The following CA10 variants were observed in gnomAD, a reference collection of about 807,000 sequenced individuals.
CA10 encodes the protein carbonic anhydrase 10 (inactive).
CA10 carries 14 observed loss-of-function variants against 44.2 expected under a neutral mutation model. That is an observed-to-expected ratio of 0.32 (90% CI 0.21 to 0.50). The LOEUF is 0.50. CA10 is among the 20% of genes least tolerant of loss of function. The probability of loss-of-function intolerance (pLI) is 0.99; values close to 1 mark genes in which losing one functional copy is unlikely to be tolerated. For synonymous variants in CA10, 159 were observed against 141.6 expected, an observed-to-expected ratio of 1.12 and a Z score of -0.87; for missense variants, 350 against 409.7, an observed-to-expected ratio of 0.85 and a Z score of 1.26.
In CA10 at chr17:51,905,796, T is replaced by G. The variant is rs111912540; in HGVS notation, c.279+25194A>C. Among the ~76,000 whole-genome samples the G allele has an allele frequency of 5.3e-3, 803 of 152,184 alleles. 10 individuals carry two copies. The highest frequency in any genetic ancestry group is 0.019 in the African/African-American group (774 of 41,544). The stretch of plus-strand genomic sequence containing the variant: ...GGGCTAGCTATTTTATTATCTGCCT[T>G]CCCCATCACCCAAATTTCCAATTCC... On this transcript the variant is annotated intron_variant, in intron 3 of 8. Coordinates refer to ENST00000451037, the MANE Select transcript of CA10 (RefSeq NM_020178.5).
At chr17:51,983,606 TTTTA>T (rs142547516) in intron 2 of CA10, among the ~76,000 whole-genome samples, 49,985 of 151,242 alleles carry the variant, frequency 0.33, 10,199 homozygotes, top group East Asian at 0.74. Context: ...GTATTTCACC[TTTTA>T]TTTGTTTACT....
intron 1 of CA10, among the ~76,000 whole-genome samples, chr17:52,103,163 TA>T (rs1283263431): frequency 6.6e-6 from 1 of 152,210 alleles, no homozygotes; most frequent in African/African-American, 2.4e-5. Flanking sequence ...CTGTGTTTTG[TA>T]AAACCATCTT....
intron 3 of CA10, among the ~76,000 whole-genome samples, chr17:51,749,071 G>A (rs1904804420): frequency 6.6e-6 from 1 of 152,172 alleles, no homozygotes; most frequent in African/African-American, 2.4e-5. Flanking sequence ...CCTTTCCCTG[G>A]TACATCGACC....
chr17:51,901,265 G>C (rs922046921), intron 3 of CA10, among the ~76,000 whole-genome samples: 5 of 152,018 alleles, frequency 3.3e-5, no homozygotes, highest in Non-Finnish European at 5.9e-5. Context: ...CTTCATTTCT[G>C]GAATATTTTA....
chr17:51,927,620 C>T (rs553090271), intron 3 of CA10, among the ~76,000 whole-genome samples: 1 of 152,236 alleles, frequency 6.6e-6, no homozygotes, highest in Admixed American at 6.5e-5. Context: ...TGTGACTATA[C>T]ACTAAAATTA....
At chr17:51,841,749 A>T (rs911802537) in intron 3 of CA10, among the ~76,000 whole-genome samples, 12 of 152,244 alleles carry the variant, frequency 7.9e-5, no homozygotes, top group African/African-American at 2.7e-4. Flanking sequence ...GGACTTAACC[A>T]GCTTAAATTT....
At chr17:52,071,821 A>G (rs763293782) in intron 2 of CA10, among the ~76,000 whole-genome samples, 20 of 152,104 alleles carry the variant, frequency 1.3e-4, no homozygotes, top group Admixed American at 9.8e-4. Flanking sequence ...GAAAGTCATA[A>G]TATAATCCTT....
intron 2 of CA10, among the ~76,000 whole-genome samples, chr17:51,958,704 A>T (rs960249026): frequency 6.6e-6 from 1 of 152,222 alleles, no homozygotes; most frequent in Non-Finnish European, 1.5e-5. Context: ...GCTAAGGAAA[A>T]TTATTTTAAA....
intron 2 of CA10, among the ~76,000 whole-genome samples, chr17:51,939,135 T>G (rs1370992673): frequency 6.6e-6 from 1 of 152,130 alleles, no homozygotes; most frequent in East Asian, 1.9e-4. Context: ...TATATACACA[T>G]GTATATATAT....
intron 2 of CA10, among the ~76,000 whole-genome samples, chr17:52,067,956 T>G (rs1987579860): frequency 6.6e-6 from 1 of 152,214 alleles, no homozygotes; most frequent in Admixed American, 6.5e-5. Context: ...GGCCTTGTCT[T>G]AGATGAGACT....
intron 2 of CA10, among the ~76,000 whole-genome samples, chr17:51,980,541 T>A (rs2144086416): frequency 6.6e-6 from 1 of 152,238 alleles, no homozygotes; most frequent in South Asian, 2.1e-4. Flanking sequence ...CATTTGTCAA[T>A]TTTGCTTTTG....
chr17:51,857,537 T>G (rs8076116), intron 3 of CA10, among the ~76,000 whole-genome samples: 15,812 of 152,192 alleles, frequency 0.1, 1,719 homozygotes, highest in African/African-American at 0.28. Context: ...TACAAAAATC[T>G]GGTTCAGATA....
At chr17:51,690,074 A>G (rs1391898047) in intron 4 of CA10, among the ~76,000 whole-genome samples, 2 of 151,998 alleles carry the variant, frequency 1.3e-5, no homozygotes, top group African/African-American at 2.4e-5. Flanking sequence ...CAGTCTCCCA[A>G]GTAGCTGGGA....
chr17:51,835,392 G>A (rs1416457544), intron 3 of CA10, among the ~76,000 whole-genome samples: 1 of 152,162 alleles, frequency 6.6e-6, no homozygotes, highest in Admixed American at 6.5e-5. Flanking sequence ...TTTACTTTGT[G>A]GCACTTCAGC....
chr17:52,120,503 G>A (rs149229573), intron 1 of CA10, among the ~76,000 whole-genome samples: 3 of 152,000 alleles, frequency 2.0e-5, no homozygotes, highest in Admixed American at 6.5e-5. Context: ...GCATTTAGAT[G>A]TACTTCTAAC....
chr17:52,021,820 C>T (rs771479327), intron 2 of CA10, among the ~76,000 whole-genome samples: 5 of 151,896 alleles, frequency 3.3e-5, no homozygotes, highest in Non-Finnish European at 4.4e-5. Context: ...GGATAAATTC[C>T]CAGGAATGCA....
Position 51,930,959 on chromosome 17 carries a change from A to G in CA10, c.279+31T>C, listed in dbSNP as rs768447818. 41 of 1,611,054 alleles carry G rather than the reference A, an allele frequency of 2.5e-5. No individual in the cohort carries two copies. In the South Asian group the frequency reaches 4.4e-4, roughly 17 times the overall value. On this transcript the variant is annotated intron_variant, in intron 3 of 8. Coordinates refer to ENST00000451037, the MANE Select transcript of CA10 (RefSeq NM_020178.5). ...CAGAATCAAGATGGCCCCATCTTCA[A>G]CTTTACCATGGAAGCAATATGGTGG... is the stretch of plus-strand genomic sequence containing the variant.
chr17:51,836,508 C>A (rs1286561733), intron 3 of CA10, among the ~76,000 whole-genome samples: 1 of 152,212 alleles, frequency 6.6e-6, no homozygotes, highest in Non-Finnish European at 1.5e-5. Flanking sequence ...GGCAGAGGTA[C>A]CACAGCACAG....
intron 1 of CA10, among the ~76,000 whole-genome samples, chr17:52,150,525 A>G (rs1490318322): frequency 6.6e-6 from 1 of 152,148 alleles, no homozygotes; most frequent in Non-Finnish European, 1.5e-5. Flanking sequence ...AATGAAAACC[A>G]TTTCATTTAG....
Sources: gnomAD v4.1 joint callset for allele counts (sites outside exome capture counted in the v4.1 genomes callset) on GRCh38, gnomAD v4.1.1 for gene constraint, MANE v1.5 for transcripts, NCBI Gene and HGNC (gene_info 2026-07-23, HGNC 2026-07-21) for gene names.